ARHGAP10: variants seen among roughly 807,000 people sequenced by gnomAD.
ARHGAP10 encodes Rho GTPase activating protein 10.
ARHGAP10 carries 87 observed loss-of-function variants against 108.6 expected under a neutral mutation model. That is an observed-to-expected ratio of 0.80 (90% CI 0.67 to 0.96). The LOEUF is 0.96. Among genes scored for constraint, ARHGAP10 ranks in the 40% least tolerant of loss-of-function variants. The probability of loss-of-function intolerance (pLI) is 0.00; values close to 1 mark genes in which losing one functional copy is unlikely to be tolerated. For synonymous variants in ARHGAP10, 347 were observed against 341.1 expected (o/e 1.02, Z -0.19); for missense variants, 939 against 954.5 (o/e 0.98, Z 0.21).
chr4:147,750,424 G>T (rs545488478), intron 1 of ARHGAP10, among the ~76,000 whole-genome samples: 1 of 152,230 alleles, frequency 6.6e-6, no homozygotes, highest in South Asian at 2.1e-4. Flanking sequence ...AGCTTTGTGT[G>T]TGTGCATTGT....
At chr4:147,930,920 G>A (rs1737652368) in intron 13 of ARHGAP10, among the ~76,000 whole-genome samples, 1 of 152,114 alleles carries the variant, frequency 6.6e-6, no homozygotes, top group African/African-American at 2.4e-5. Context: ...TATTTTCTGT[G>A]TTGCTTCTCC....
At chr4:148,028,468 T>G (rs895741821) in intron 19 of ARHGAP10, among the ~76,000 whole-genome samples, 1 of 152,198 alleles carries the variant, frequency 6.6e-6, no homozygotes, top group Non-Finnish European at 1.5e-5. Context: ...AATAATAGTA[T>G]CTACCACTGA....
At chr4:147,998,516 A>C (rs751589723) in intron 18 of ARHGAP10, among the ~76,000 whole-genome samples, 2 of 152,246 alleles carry the variant, frequency 1.3e-5, no homozygotes, top group African/African-American at 2.4e-5. Flanking sequence ...ACTAATGCCA[A>C]GTCTGTGAAA....
At chr4:148,050,489 T>G (rs746907924) in intron 20 of ARHGAP10, among the ~76,000 whole-genome samples, 17 of 148,606 alleles carry the variant, frequency 1.1e-4, no homozygotes, top group Non-Finnish European at 2.2e-4. Context: ...TTCTCCTGCC[T>G]CAGCCTCCCG....
chr4:147,963,921 C>A (rs1739099422), intron 16 of ARHGAP10, among the ~76,000 whole-genome samples: 1 of 152,188 alleles, frequency 6.6e-6, no homozygotes, highest in Non-Finnish European at 1.5e-5. Flanking sequence ...GTAAGGATGC[C>A]AGTCATATTG....
intron 16 of ARHGAP10, among the ~76,000 whole-genome samples, chr4:147,958,723 A>G (rs535701347): frequency 1.3e-5 from 2 of 152,332 alleles, no homozygotes; most frequent in East Asian, 1.9e-4. Flanking sequence ...AAGTGCTTGG[A>G]TGGTTACTGC....
At chr4:147,974,364 C>T (rs574175178) in intron 18 of ARHGAP10, among the ~76,000 whole-genome samples, 1 of 151,992 alleles carries the variant, frequency 6.6e-6, no homozygotes, top group East Asian at 1.9e-4. Flanking sequence ...AATTTGACTC[C>T]CTCCTCATCT....
At chr4:147,838,398 A>G (rs1335040869) in intron 3 of ARHGAP10, among the ~76,000 whole-genome samples, 1 of 151,782 alleles carries the variant, frequency 6.6e-6, no homozygotes, top group African/African-American at 2.4e-5. Flanking sequence ...TCAGCCCATG[A>G]TTTCGAGGCT....
intron 20 of ARHGAP10, among the ~76,000 whole-genome samples, chr4:148,055,335 C>T (rs1248024810): frequency 1.3e-5 from 2 of 152,136 alleles, no homozygotes; most frequent in African/African-American, 4.8e-5. Flanking sequence ...CTTCATGGGG[C>T]TTGAGGGATT....
chr4:148,049,854 C>CGGGGGGT (rs1729053028), intron 20 of ARHGAP10, among the ~76,000 whole-genome samples: 1 of 13,240 alleles, frequency 7.6e-5, no homozygotes. Context: ...GGGCGGGGGG[C>CGGGGGGT]GGGGGGTGGT....
At chr4:148,004,475 C>T (rs1053792532) in intron 18 of ARHGAP10, among the ~76,000 whole-genome samples, 4 of 152,150 alleles carry the variant, frequency 2.6e-5, no homozygotes, top group Admixed American at 2.6e-4. Context: ...CTTGATTCTA[C>T]CCAGTAGAAT....
At chr4:147,991,189 T>C (rs935795533) in intron 18 of ARHGAP10, among the ~76,000 whole-genome samples, 6 of 151,726 alleles carry the variant, frequency 4.0e-5, no homozygotes, top group Non-Finnish European at 5.9e-5. Flanking sequence ...TAGAAGTCTT[T>C]CCATTAGGTC....
intron 1 of ARHGAP10, among the ~76,000 whole-genome samples, chr4:147,814,791 A>G (rs1732173080): frequency 6.6e-6 from 1 of 152,156 alleles, no homozygotes; most frequent in South Asian, 2.1e-4. Flanking sequence ...AACACAAGTC[A>G]TATTGGAGCA....
rs553746021 is a variant in ARHGAP10, at chr4:147,916,349, G to A, written c.1228+3210G>A. Among the ~76,000 whole-genome samples, 248 of 152,236 alleles carry A rather than the reference G, an allele frequency of 1.6e-3. 2 individuals carry two copies. The highest frequency in any genetic ancestry group is 3.4e-3 in the Middle Eastern group (1 of 294). Reference sequence around the variant, plus strand: ...ATAAACATAAACTCAAAAGACTACTGTGACAATACTTACTATTTTATGGCA... The same window carrying A: ...ATAAACATAAACTCAAAAGACTACTATGACAATACTTACTATTTTATGGCA... On this transcript the variant is annotated intron_variant, in intron 13 of 22. Transcript: ENST00000336498.
chr4:147,886,891 C>T (rs1452393720), intron 10 of ARHGAP10, among the ~76,000 whole-genome samples: 1 of 152,188 alleles, frequency 6.6e-6, no homozygotes, highest in East Asian at 1.9e-4. Flanking sequence ...ATGCCTTAGC[C>T]TCCTGAGTAG....
chr4:147,945,072 G>T (rs1385654570), intron 14 of ARHGAP10, among the ~76,000 whole-genome samples: 2 of 152,140 alleles, frequency 1.3e-5, no homozygotes, highest in African/African-American at 4.8e-5. Context: ...TGGTGGTATG[G>T]CTGGGCCAGG....
chr4:147,779,208 G>A (rs374490015), intron 1 of ARHGAP10, among the ~76,000 whole-genome samples: 2 of 152,152 alleles, frequency 1.3e-5, no homozygotes, highest in South Asian at 4.1e-4. Context: ...GCTGTGGGGA[G>A]CATGTAAGCT....
chr4:147,977,529 C>G (rs1035754256), intron 18 of ARHGAP10, among the ~76,000 whole-genome samples: 1 of 152,148 alleles, frequency 6.6e-6, no homozygotes, highest in Admixed American at 6.5e-5. Context: ...GTGCCAGGCA[C>G]TAGGCTGGGC....
chr4:148,025,039 A>C (rs1741713877), intron 19 of ARHGAP10, among the ~76,000 whole-genome samples: 1 of 152,212 alleles, frequency 6.6e-6, no homozygotes, highest in Admixed American at 6.5e-5. Flanking sequence ...TAGCAATGGA[A>C]TCGTAATATC....
Sources: allele counts gnomAD v4.1 joint callset (sites outside exome capture counted in the v4.1 genomes callset), GRCh38; gene constraint gnomAD v4.1.1; transcripts MANE v1.5; gene names NCBI Gene and HGNC (gene_info 2026-07-23, HGNC 2026-07-21).